The following FRMD4A variants were observed in gnomAD, a reference collection of about 807,000 sequenced individuals.
FRMD4A encodes FERM domain-containing protein 4A.
A neutral mutation model predicts 129.1 loss-of-function variants in FRMD4A; 29 were observed. The ratio of observed to expected loss-of-function variants is 0.22; its 90% confidence interval spans 0.17 to 0.31. FRMD4A has a LOEUF of 0.31. FRMD4A is among the 10% of genes least tolerant of loss of function. The probability of loss-of-function intolerance (pLI) is 1.00; values close to 1 mark genes in which losing one functional copy is unlikely to be tolerated. For missense variants in FRMD4A, 1,272 were observed against 1,375.8 expected, an observed-to-expected ratio of 0.92 and a Z score of 1.19; for synonymous variants, 634 against 571.6, an observed-to-expected ratio of 1.11 and a Z score of -1.56.
At chr10:14,319,823 T>C (rs571998387) in intron 2 of FRMD4A, among the ~76,000 whole-genome samples, 1 of 152,172 alleles carries the variant, frequency 6.6e-6, no homozygotes, top group East Asian at 1.9e-4. Context: ...TACTGGCAAA[T>C]CTCATTATTT....
At chr10:13,695,121 C>T (rs1041437854) in intron 14 of FRMD4A, among the ~76,000 whole-genome samples, 5 of 151,664 alleles carry the variant, frequency 3.3e-5, no homozygotes, top group African/African-American at 1.2e-4. Context: ...ATTGACATTC[C>T]TAAAAGCAGC....
In FRMD4A at chr10:14,022,668, G is replaced by A. The variant is rs576478076; in HGVS notation, c.46-163756C>T. Among the ~76,000 whole-genome samples the A allele has an allele frequency of 2.2e-3, 342 of 152,252 alleles. 2 individuals carry two copies. In the Middle Eastern group the frequency reaches 0.031, roughly 14 times the overall value. ...TAATGGATGGAAGAACTGGAGAAGT[G>A]CTGGCTGTGGGAGGATGAGAAGGTG... On this transcript the variant is annotated intron_variant, in intron 2 of 24. Coordinates refer to ENST00000357447, the MANE Select transcript of FRMD4A (RefSeq NM_018027.5).
At chr10:14,036,270 T>C (rs565544572) in intron 2 of FRMD4A, among the ~76,000 whole-genome samples, 1 of 152,126 alleles carries the variant, frequency 6.6e-6, no homozygotes, top group Non-Finnish European at 1.5e-5. Flanking sequence ...ATGGCAAGAC[T>C]GAGAAAAGAT....
intron 2 of FRMD4A, among the ~76,000 whole-genome samples, chr10:14,123,794 C>T (rs1163634503): frequency 6.6e-6 from 1 of 152,210 alleles, no homozygotes; most frequent in African/African-American, 2.4e-5. Flanking sequence ...TAAGCCTTTA[C>T]ATAGCATGTT....
At chr10:13,851,921 A>G (rs2094145475) in intron 3 of FRMD4A, among the ~76,000 whole-genome samples, 1 of 147,690 alleles carries the variant, frequency 6.8e-6, no homozygotes, top group Non-Finnish European at 1.5e-5. Flanking sequence ...AAAAAAAAAG[A>G]TTCTAATGCC....
At chr10:13,976,221 G>A (rs2095541668) in intron 2 of FRMD4A, among the ~76,000 whole-genome samples, 1 of 152,168 alleles carries the variant, frequency 6.6e-6, no homozygotes, top group South Asian at 2.1e-4. Flanking sequence ...AAGTCCTGGG[G>A]AAACATCCCA....
At chr10:13,671,819 G>A (rs2083533101) in intron 16 of FRMD4A, among the ~76,000 whole-genome samples, 1 of 152,268 alleles carries the variant, frequency 6.6e-6, no homozygotes, top group African/African-American at 2.4e-5. Flanking sequence ...TAATGGCAAA[G>A]TGGGCACTTC....
intron 2 of FRMD4A, among the ~76,000 whole-genome samples, chr10:14,141,921 A>G (rs562084581): frequency 1.6e-4 from 24 of 152,270 alleles, no homozygotes; most frequent in Admixed American, 8.5e-4. Flanking sequence ...ACTGAATTCA[A>G]TAAAGGTCGA....
intron 3 of FRMD4A, among the ~76,000 whole-genome samples, chr10:13,851,748 A>C (rs1378690533): frequency 6.6e-6 from 1 of 151,762 alleles, no homozygotes; most frequent in African/African-American, 2.4e-5. Context: ...AAAAATACAA[A>C]AATTAGTTGG....
intron 2 of FRMD4A, among the ~76,000 whole-genome samples, chr10:14,298,524 TG>T (rs1294500515): frequency 6.6e-6 from 1 of 152,202 alleles, no homozygotes; most frequent in Non-Finnish European, 1.5e-5. Flanking sequence ...GGCCCACTGT[TG>T]CCTGCTTCTG....
intron 15 of FRMD4A, among the ~76,000 whole-genome samples, chr10:13,679,498 C>T (rs2084336017): frequency 7.8e-6 from 1 of 127,534 alleles, no homozygotes; most frequent in South Asian, 2.7e-4. Flanking sequence ...CACACACACA[C>T]ACACACACAC....
intron 2 of FRMD4A, among the ~76,000 whole-genome samples, chr10:14,132,005 A>G (rs916894650): frequency 6.6e-6 from 1 of 152,218 alleles, no homozygotes; most frequent in Admixed American, 6.5e-5. Flanking sequence ...CATAAAATTC[A>G]AACATAAGGC....
rs528132507 is a variant in FRMD4A at position 14,170,210 on chromosome 10, C to T, written c.45+159848G>A. On this transcript the variant is annotated intron_variant, in intron 2 of 24. Transcript: ENST00000357447. ...TTTGACATCTTACCTCTGTATCTAA[C>T]GTGTTTCCAAAAATATAGCATGATC... is the stretch of plus-strand genomic sequence containing the variant. 1.5e-3 allele frequency among the ~76,000 whole-genome samples: 229 copies of T among 152,272 alleles called. 2 individuals are homozygous for T. The highest frequency in any genetic ancestry group is 5.3e-3 in the African/African-American group (222 of 41,550).
At chr10:14,300,329 C>T (rs1218469) in intron 2 of FRMD4A, among the ~76,000 whole-genome samples, 5,699 of 152,182 alleles carry the variant, frequency 0.037, 342 homozygotes, top group African/African-American at 0.13. Context: ...ACTGACTTTG[C>T]CATGCCCTGC....
chr10:14,292,568 G>A (rs976090362), intron 2 of FRMD4A, among the ~76,000 whole-genome samples: 1 of 152,208 alleles, frequency 6.6e-6, no homozygotes, highest in Admixed American at 6.5e-5. Flanking sequence ...GGGAGGCCAA[G>A]GCCAGTGGAT....
intron 2 of FRMD4A, among the ~76,000 whole-genome samples, chr10:14,305,228 T>C (rs1846310030): frequency 6.6e-6 from 1 of 152,236 alleles, no homozygotes; most frequent in African/African-American, 2.4e-5. Flanking sequence ...TGCTTTTTCC[T>C]TGAGCTATTT....
chr10:14,279,142 T>C (rs12219057), intron 2 of FRMD4A, among the ~76,000 whole-genome samples: 52,511 of 150,838 alleles, frequency 0.35, 9,787 homozygotes, highest in Middle Eastern at 0.53. Flanking sequence ...CACCTGAAAC[T>C]TATTATCAAA....
chr10:13,962,036 CACGA>C (rs941764202), intron 2 of FRMD4A, among the ~76,000 whole-genome samples: 2 of 47,986 alleles, frequency 4.2e-5, no homozygotes, highest in Admixed American at 2.7e-4. Flanking sequence ...AACAAAAACA[CACGA>C]ATGAATGAAT....
At chr10:13,690,734 G>A (rs1222444365) in intron 15 of FRMD4A, among the ~76,000 whole-genome samples, 1 of 152,212 alleles carries the variant, frequency 6.6e-6, no homozygotes, top group African/African-American at 2.4e-5. Context: ...GAGCCGCTCT[G>A]CAAGTGGCCC....
Sources: allele counts gnomAD v4.1 joint callset (sites outside exome capture counted in the v4.1 genomes callset), GRCh38; gene constraint gnomAD v4.1.1; transcripts MANE v1.5; gene names NCBI Gene and HGNC (gene_info 2026-07-23, HGNC 2026-07-21).